The following USP53 variants were observed in gnomAD, a reference collection of about 807,000 sequenced individuals.
USP53 encodes ubiquitin carboxyl-terminal hydrolase 53.
In USP53, 71 loss-of-function variants were observed where a neutral mutation model predicts 94.9. The observed-to-expected ratio is 0.75, with a 90% confidence interval of 0.62 to 0.91. The LOEUF is 0.91. Ranked by LOEUF, USP53 falls within the 40% of genes least tolerant of loss-of-function variation. The pLI is 0.00. For synonymous variants in USP53, 375 were observed against 422.7 expected, an observed-to-expected ratio of 0.89 and a Z score of 1.39; for missense variants, 1,173 against 1,281.0, an observed-to-expected ratio of 0.92 and a Z score of 1.29.
chr4:119,245,806 C>T (rs1412856994), intron 6 of USP53, among the ~76,000 whole-genome samples: 2 of 152,016 alleles, frequency 1.3e-5, no homozygotes. Context: ...AGCTTGTATT[C>T]TTATAGAGGA....
intron 4 of USP53, among the ~76,000 whole-genome samples, chr4:119,237,964 G>T (rs773636869): frequency 2.6e-5 from 4 of 152,124 alleles, no homozygotes; most frequent in African/African-American, 9.7e-5. Context: ...ATTAAAGAGC[G>T]TTAGGGCCTT....
At chr4:119,260,013 C>A (rs1219534177) in intron 10 of USP53, 88 bp downstream of exon 10, 10 of 897,614 alleles carry the variant, frequency 1.1e-5, no homozygotes, top group South Asian at 4.7e-5. Context: ...AATATTGATT[C>A]TATATCTAGA....
Position 119,293,023 on chromosome 4 carries a change from G to A in USP53, c.3034G>A (p.Gly1012Ser), listed in dbSNP as rs760608303. The A allele has an allele frequency of 6.2e-6, 10 of 1,613,958 alleles. No homozygotes were observed. The highest frequency in any genetic ancestry group is 5.0e-5 in the Admixed American group (3 of 59,988). The change falls in exon 19 of 19, where the codon GGT becomes AGT. Residue 1012 changes from glycine to serine, a missense_variant. Coordinates refer to ENST00000692078, the MANE Select transcript of USP53 (RefSeq NM_001371395.1). ...AACTAACGATTTTCAGGCAAACTCAGGTGCCATTGATGCATTTTGCCAACC... is the reference window on the plus strand; with the variant it reads ...AACTAACGATTTTCAGGCAAACTCAAGTGCCATTGATGCATTTTGCCAACC... ...SSTNDFQANS[G>S]AIDAFCQPEL...
Position 119,292,385 on chromosome 4 carries a change from T to G in USP53, c.2396T>G (p.Leu799Arg), listed in dbSNP as rs565850232. The change falls in exon 19 of 19, where the codon CTA (leucine) becomes CGA (arginine). Residue 799 changes from leucine (L) to arginine (R), a missense_variant. Leu to Arg is a moderately radical substitution (Grantham distance 102). Coordinates refer to ENST00000692078, the MANE Select transcript of USP53 (RefSeq NM_001371395.1). ...DNGKLFPSSSLQIPKDHNARE... is the reference protein window; with the variant it reads ...DNGKLFPSSSRQIPKDHNARE... ...GGAAAGTTATTTCCTTCATCCAGTC[T>G]ACAAATACCCAAGGACCATAATGCA... is the stretch of plus-strand genomic sequence containing the variant. The G allele has an allele frequency of 6.2e-7, 1 of 1,612,094 alleles. No homozygotes were observed. Among genetic ancestry groups the G allele is most frequent in the Non-Finnish European group, 8.5e-7 (1 of 1,179,358 alleles).
chr4:119,231,302 C>A (rs1746044215), intron 3 of USP53, among the ~76,000 whole-genome samples: 1 of 152,036 alleles, frequency 6.6e-6, no homozygotes, highest in Admixed American at 6.6e-5. Context: ...CTGGTAGAAC[C>A]TAATATATCT....
Position 119,293,026 on chromosome 4 carries a change from G to A in USP53, c.3037G>A (p.Ala1013Thr), listed in dbSNP as rs565571581. The change falls in exon 19 of 19, where the codon GCC (alanine) becomes ACC (threonine). Residue 1013 changes from alanine to threonine, a missense_variant. Physicochemically the swap from Ala to Thr is moderately conservative, Grantham distance 58. Coordinates refer to ENST00000692078, the MANE Select transcript of USP53 (RefSeq NM_001371395.1). The stretch of plus-strand genomic sequence containing the variant: ...TAACGATTTTCAGGCAAACTCAGGT[G>A]CCATTGATGCATTTTGCCAACCAGA... The part of the protein sequence containing the change: ...STNDFQANSG[A>T]IDAFCQPELD... 12 of 1,614,104 alleles carry A rather than the reference G, an allele frequency of 7.4e-6. No individual in the cohort carries two copies. The African/African-American group carries it at 1.3e-4, about 18-fold the overall frequency.
At chr4:119,242,732 A>G (rs148584706) in intron 5 of USP53, among the ~76,000 whole-genome samples, 1 of 152,314 alleles carries the variant, frequency 6.6e-6, no homozygotes, top group East Asian at 1.9e-4. Flanking sequence ...AACTATTCAA[A>G]TAGATTTTCT....
intron 17 of USP53, among the ~76,000 whole-genome samples, chr4:119,280,225 TG>T (rs970173615): frequency 5.9e-5 from 9 of 151,452 alleles, no homozygotes; most frequent in Admixed American, 1.3e-4. Flanking sequence ...AGTCTTTCAA[TG>T]TTTTTTTTTT....
At chr4:119,291,143 T>TGGCCC in intron 17 of USP53, 22 bp from the exon 18 acceptor site, 30 of 747,400 alleles carry the variant, frequency 4.0e-5, no homozygotes, top group Non-Finnish European at 4.5e-5. Flanking sequence ...TCATCTCTTC[T>TGGCCC]CCCCACCCCA....
chr4:119,254,499 T>C (rs1432296289), intron 7 of USP53, among the ~76,000 whole-genome samples: 1 of 152,198 alleles, frequency 6.6e-6, no homozygotes, highest in Non-Finnish European at 1.5e-5. Context: ...TACTTTCTTC[T>C]GCATGATTGA....
At chr4:119,253,542 C>T (rs1578483153) in intron 7 of USP53, among the ~76,000 whole-genome samples, 1 of 152,052 alleles carries the variant, frequency 6.6e-6, no homozygotes. Flanking sequence ...ATTGCAACCC[C>T]TGCTTTTTTT....
intron 10 of USP53, 111 bp downstream of exon 10, chr4:119,260,036 A>G: frequency 1.4e-6 from 1 of 697,426 alleles, no homozygotes; most frequent in African/African-American, 1.9e-5. Context: ...TAGCTTTAAG[A>G]ATTTTTAAAA....
At chr4:119,238,897 C>T (rs1253132114) in intron 4 of USP53, among the ~76,000 whole-genome samples, 1 of 151,956 alleles carries the variant, frequency 6.6e-6, no homozygotes, top group Non-Finnish European at 1.5e-5. Context: ...AGAAGGATAA[C>T]AATATATTCT....
intron 17 of USP53, among the ~76,000 whole-genome samples, chr4:119,281,343 TAA>T (rs1491473959): frequency 6.6e-6 from 1 of 152,204 alleles, no homozygotes; most frequent in East Asian, 1.9e-4. Context: ...TTTCACAATA[TAA>T]AAGAGCAATG....
chr4:119,262,844 TA>T (rs1206790094), intron 12 of USP53, among the ~76,000 whole-genome samples: 1 of 152,286 alleles, frequency 6.6e-6, no homozygotes, highest in African/African-American at 2.4e-5. Context: ...GAGGAGCTTT[TA>T]AAAAAACATA....
chr4:119,244,520 G>A (rs1420430787), intron 5 of USP53, among the ~76,000 whole-genome samples: 3 of 152,102 alleles, frequency 2.0e-5, no homozygotes, highest in African/African-American at 7.2e-5. Context: ...ATAGCAGCTG[G>A]TACTCATTGC....
chr4:119,263,036 A>G (rs756518806), intron 12 of USP53, among the ~76,000 whole-genome samples: 19 of 152,220 alleles, frequency 1.2e-4, no homozygotes, highest in Non-Finnish European at 2.1e-4. Flanking sequence ...TTTGGTTGTT[A>G]TAAGCAAATG....
rs145921274 is a variant in USP53, at chr4:119,288,770, C to T, written c.2252-2395C>T. On this transcript the variant is annotated intron_variant, in intron 17 of 18. Transcript: ENST00000692078. ...TGACCAATATGAAGAAACCCCGTCT[C>T]TACTAAAAATATAAAAAATTAGCCA... Among the ~76,000 whole-genome samples, 1,285 of 152,016 alleles carry T rather than the reference C, an allele frequency of 8.5e-3. 16 individuals carry two copies. The highest frequency in any genetic ancestry group is 0.029 in the African/African-American group (1,215 of 41,464).
At chr4:119,224,152 A>C (rs539217374) in intron 3 of USP53, among the ~76,000 whole-genome samples, 5 of 152,136 alleles carry the variant, frequency 3.3e-5, no homozygotes, top group Non-Finnish European at 7.4e-5. Context: ...GGCGTGTGCC[A>C]CCACACCCGG....
Sources: allele counts gnomAD v4.1 joint callset (sites outside exome capture counted in the v4.1 genomes callset), GRCh38; gene constraint gnomAD v4.1.1; transcripts MANE v1.5; gene names NCBI Gene and HGNC (gene_info 2026-07-23, HGNC 2026-07-21).